Variants in SRGAP3 observed in about 807,000 individuals in gnomAD.
SRGAP3 encodes the protein SLIT-ROBO Rho GTPase-activating protein 3.
In SRGAP3, 39 loss-of-function variants were observed where a neutral mutation model predicts 121.1. The ratio of observed to expected loss-of-function variants is 0.32; its 90% CI spans 0.25 to 0.42. SRGAP3 has a LOEUF of 0.42. Among genes scored for constraint, SRGAP3 ranks in the 10% least tolerant of loss-of-function variants. SRGAP3 has a pLI of 1.00. For synonymous variants in SRGAP3, 601 were observed against 570.0 expected (o/e 1.05, Z -0.77); for missense variants, 1,213 against 1,470.6 (o/e 0.82, Z 2.86).
intron 1 of SRGAP3, among the ~76,000 whole-genome samples, chr3:9,127,301 C>T (rs762948994): frequency 6.6e-6 from 1 of 152,192 alleles, no homozygotes; most frequent in Non-Finnish European, 1.5e-5. Context: ...TGTGAAACTG[C>T]ACTCCAGCCT....
At chr3:9,296,081 A>G (rs1314082679) in intron 3 of SRGAP3, among the ~76,000 whole-genome samples, 1 of 152,220 alleles carries the variant, frequency 6.6e-6, no homozygotes, top group Non-Finnish European at 1.5e-5. Context: ...TGGTTATTGC[A>G]AAGAATGCTG....
intron 3 of SRGAP3, among the ~76,000 whole-genome samples, chr3:9,322,437 C>T (rs772868517): frequency 4.6e-5 from 7 of 151,744 alleles, no homozygotes; most frequent in Non-Finnish European, 1.0e-4. Context: ...ATACAGGGGT[C>T]CCCAACCCCT....
At chr3:9,043,019 C>T (rs1945094970) in intron 10 of SRGAP3, among the ~76,000 whole-genome samples, 1 of 152,154 alleles carries the variant, frequency 6.6e-6, no homozygotes, top group Non-Finnish European at 1.5e-5. Flanking sequence ...GCTGAAACAG[C>T]AACTCCCCTA....
At chr3:9,001,358 T>C (rs1942757211) in intron 18 of SRGAP3, among the ~76,000 whole-genome samples, 1 of 152,186 alleles carries the variant, frequency 6.6e-6, no homozygotes, top group South Asian at 2.1e-4. Context: ...CCAATAAATA[T>C]GTCCAATTAT....
chr3:9,344,582 G>A (rs1425512064), intron 1 of SRGAP3, among the ~76,000 whole-genome samples: 6 of 151,588 alleles, frequency 4.0e-5, no homozygotes, highest in African/African-American at 1.5e-4. Context: ...GCAGTGAGCC[G>A]AGATCACACC....
chr3:9,058,603 C>T (rs1945955772), intron 6 of SRGAP3, 131 bp from the exon 7 acceptor site: 2 of 958,972 alleles, frequency 2.1e-6, no homozygotes, highest in African/African-American at 3.2e-5. Flanking sequence ...GGCCCCAAGG[C>T]ACTTTGGAAT....
intron 19 of SRGAP3, among the ~76,000 whole-genome samples, chr3:8,993,611 G>A (rs505320): frequency 0.19 from 28,849 of 152,166 alleles, 3,528 homozygotes; most frequent in Admixed American, 0.33. Context: ...TGGGGACTTC[G>A]GGAGGCTGCC....
At chr3:9,190,906 T>C (rs1311613176) in intron 1 of SRGAP3, among the ~76,000 whole-genome samples, 1 of 152,138 alleles carries the variant, frequency 6.6e-6, no homozygotes, top group Non-Finnish European at 1.5e-5. Flanking sequence ...AGTCACCCCT[T>C]TGTTCCACGA....
chr3:9,319,881 G>A (rs1327464520), intron 3 of SRGAP3, among the ~76,000 whole-genome samples: 2 of 151,962 alleles, frequency 1.3e-5, no homozygotes, highest in African/African-American at 4.8e-5. Flanking sequence ...AGGCTCAGGG[G>A]AGCAGGGAGC....
intron 1 of SRGAP3, among the ~76,000 whole-genome samples, chr3:9,211,673 T>A (rs1046542624): frequency 6.0e-5 from 9 of 149,490 alleles, no homozygotes; most frequent in African/African-American, 2.0e-4. Flanking sequence ...TTCTTTTTTT[T>A]TTTTTTTTTT....
chr3:9,353,626 C>T (rs1246132412), intron 1 of SRGAP3, among the ~76,000 whole-genome samples: 2 of 152,246 alleles, frequency 1.3e-5, no homozygotes, highest in African/African-American at 4.8e-5. Context: ...AAATAAGCCT[C>T]TGCTTGCTTA....
chr3:9,294,695 CGT>C (rs753452580), intron 3 of SRGAP3, among the ~76,000 whole-genome samples: 20,504 of 119,594 alleles, frequency 0.17, 1,963 homozygotes, highest in East Asian at 0.49. Context: ...TTGAAGCTTT[CGT>C]GTGTGTGTGT....
chr3:9,203,066 C>G (rs535196567), intron 1 of SRGAP3, among the ~76,000 whole-genome samples: 3 of 152,212 alleles, frequency 2.0e-5, no homozygotes, highest in Admixed American at 2.0e-4. Flanking sequence ...CCATAGACAC[C>G]GATCCTGAGA....
chr3:9,263,101 CTG>C (rs1954287201), intron 3 of SRGAP3, among the ~76,000 whole-genome samples: 1 of 152,186 alleles, frequency 6.6e-6, no homozygotes, highest in Non-Finnish European at 1.5e-5. Flanking sequence ...ACTGAACAAC[CTG>C]CTCCTGAATG....
At chr3:9,129,428 GAT>G (rs1208020813) in intron 1 of SRGAP3, among the ~76,000 whole-genome samples, 1 of 143,202 alleles carries the variant, frequency 7.0e-6, no homozygotes, top group Non-Finnish European at 1.5e-5. Flanking sequence ...AAGCAGAAGA[GAT>G]ATTTTTCTTT....
At chr3:9,238,642 T>C (rs775418876) in intron 1 of SRGAP3, among the ~76,000 whole-genome samples, 103 of 152,088 alleles carry the variant, frequency 6.8e-4, no homozygotes, top group Non-Finnish European at 1.2e-3. Flanking sequence ...AGGGAGATGA[T>C]GAGGCAACCA....
intron 10 of SRGAP3, among the ~76,000 whole-genome samples, chr3:9,046,901 G>A (rs1239233595): frequency 6.6e-6 from 1 of 151,822 alleles, no homozygotes; most frequent in African/African-American, 2.4e-5. Context: ...CATGATCTCG[G>A]CTCACTGCAA....
intron 15 of SRGAP3, 88 bp from the exon 16 acceptor site, chr3:9,013,930 C>G (rs1943500100): frequency 8.1e-7 from 1 of 1,229,864 alleles, no homozygotes; most frequent in Non-Finnish European, 1.2e-6. Flanking sequence ...CTATATCAAC[C>G]CACGTGGATG....
At chr3:9,263,100 C>G (rs1184234254) in intron 3 of SRGAP3, among the ~76,000 whole-genome samples, 1 of 152,166 alleles carries the variant, frequency 6.6e-6, no homozygotes, top group Non-Finnish European at 1.5e-5. Flanking sequence ...AACTGAACAA[C>G]CTGCTCCTGA....
Sources: gnomAD v4.1 joint callset for allele counts (sites outside exome capture counted in the v4.1 genomes callset) on GRCh38, gnomAD v4.1.1 for gene constraint, MANE v1.5 for transcripts, NCBI Gene and HGNC (gene_info 2026-07-23, HGNC 2026-07-21) for gene names.